KCNMB2: variants seen among roughly 807,000 people sequenced by gnomAD.
KCNMB2 encodes the protein calcium-activated potassium channel subunit beta-2.
In KCNMB2, 9 loss-of-function variants were observed where a neutral mutation model predicts 24.5. That is an observed-to-expected ratio of 0.37 (90% CI 0.22 to 0.64). The LOEUF (loss-of-function observed/expected upper bound fraction) is 0.64. Ranked by LOEUF, KCNMB2 falls within the 30% of genes least tolerant of loss-of-function variation. The probability of loss-of-function intolerance (pLI) is 0.63; values close to 1 mark genes in which losing one functional copy is unlikely to be tolerated. For synonymous variants in KCNMB2, 109 were observed against 104.4 expected, an observed-to-expected ratio of 1.04 and a Z score of -0.27; for missense variants, 226 against 284.3, an observed-to-expected ratio of 0.79 and a Z score of 1.47.
chr3:178,811,122 A>T (rs968875166), intron 2 of KCNMB2, among the ~76,000 whole-genome samples: 3 of 152,122 alleles, frequency 2.0e-5, no homozygotes, highest in African/African-American at 7.2e-5. Flanking sequence ...AGAGGTTTTT[A>T]AGCTAAGGGC....
chr3:178,725,289 T>C (rs982198754), intron 1 of KCNMB2, among the ~76,000 whole-genome samples: 14 of 152,082 alleles, frequency 9.2e-5, no homozygotes, highest in African/African-American at 3.4e-4. Flanking sequence ...GTAAATGAGA[T>C]TACATTCTTG....
At chr3:178,679,853 G>A (rs1271277002) in intron 1 of KCNMB2, among the ~76,000 whole-genome samples, 1 of 152,034 alleles carries the variant, frequency 6.6e-6, no homozygotes, top group African/African-American at 2.4e-5. Flanking sequence ...TTTGATTTTT[G>A]TATATATTTC....
At chr3:178,752,167 C>G (rs533556440) in intron 1 of KCNMB2, among the ~76,000 whole-genome samples, 1 of 152,264 alleles carries the variant, frequency 6.6e-6, no homozygotes, top group African/African-American at 2.4e-5. Context: ...AGCTTCCAAT[C>G]TATTATATAA....
chr3:178,826,088 G>A (rs61798087), intron 3 of KCNMB2, among the ~76,000 whole-genome samples: 9,931 of 152,136 alleles, frequency 0.065, 462 homozygotes, highest in Middle Eastern at 0.14. Context: ...GCTCTTGCTT[G>A]TGGCAGAGCT....
chr3:178,775,039 C>T (rs1014108464), intron 1 of KCNMB2, among the ~76,000 whole-genome samples: 3 of 152,192 alleles, frequency 2.0e-5, no homozygotes, highest in African/African-American at 7.2e-5. Context: ...AACAGATTCA[C>T]TTTCTTTATG....
At chr3:178,787,894 T>G (rs1713171855) in intron 1 of KCNMB2, among the ~76,000 whole-genome samples, 1 of 152,172 alleles carries the variant, frequency 6.6e-6, no homozygotes, top group Non-Finnish European at 1.5e-5. Flanking sequence ...CAATGAACAG[T>G]TATGTGAACT....
At chr3:178,683,253 TA>T (rs1721337716) in intron 1 of KCNMB2, among the ~76,000 whole-genome samples, 1 of 151,926 alleles carries the variant, frequency 6.6e-6, no homozygotes, top group Admixed American at 6.6e-5. Context: ...TTCTCAGTTG[TA>T]AGTGGAAACT....
At chr3:178,566,844 G>A (rs189619446) in intron 1 of KCNMB2, among the ~76,000 whole-genome samples, 6 of 152,262 alleles carry the variant, frequency 3.9e-5, no homozygotes, top group East Asian at 3.9e-4. Flanking sequence ...AACAATGTAC[G>A]TTCATATTGT....
At chr3:178,838,954 G>A (rs1251383331) in intron 4 of KCNMB2, among the ~76,000 whole-genome samples, 2 of 152,160 alleles carry the variant, frequency 1.3e-5, no homozygotes, top group Admixed American at 1.3e-4. Context: ...AAATTATAAT[G>A]TTTTGAAGAA....
Position 178,691,107 on chromosome 3 carries a change from C to CTTTTTTTTTTTTTTTTTTTTTTTTT in KCNMB2, c.-67-116216_-67-116215insTTTTTTTTTTTTTTTTTTTTTTTTT, listed in dbSNP as rs71181241. The stretch of plus-strand genomic sequence containing the variant: ...TGTACAGCATAATTCCCCATTAAGT[C>CTTTTTTTTTTTTTTTTTTTTTTTTT]TTTTTTTTTTTTTTTTTTTTGATAG... On this transcript the variant is annotated intron_variant, in intron 1 of 4. Transcript: ENST00000452583. Among the ~76,000 whole-genome samples, 90 of 79,728 alleles carry CTTTTTTTTTTTTTTTTTTTTTTTTT rather than the reference C, an allele frequency of 1.1e-3. 14 individuals are homozygous for CTTTTTTTTTTTTTTTTTTTTTTTTT. Among genetic ancestry groups the CTTTTTTTTTTTTTTTTTTTTTTTTT allele is most frequent in the African/African-American group, 2.2e-3 (36 of 16,302 alleles). The allele number at this position is 79,728 out of a possible 152,430, so 52.3% of individuals were successfully genotyped here. A position where few individuals can be genotyped will look rare whatever the true frequency, so the allele number is the denominator to read the frequency against.
chr3:178,724,537 C>G (rs1201854500), intron 1 of KCNMB2, among the ~76,000 whole-genome samples: 1 of 151,794 alleles, frequency 6.6e-6, no homozygotes, highest in East Asian at 1.9e-4. Context: ...TTTTTATTTT[C>G]TTGCATTTGC....
At chr3:178,742,605 A>G (rs756885130) in intron 1 of KCNMB2, among the ~76,000 whole-genome samples, 5 of 152,208 alleles carry the variant, frequency 3.3e-5, no homozygotes, top group Non-Finnish European at 5.9e-5. Flanking sequence ...CACTGGTATA[A>G]TTAACACCTC....
At chr3:178,690,746 C>T (rs572358556) in intron 1 of KCNMB2, among the ~76,000 whole-genome samples, 52 of 152,242 alleles carry the variant, frequency 3.4e-4, no homozygotes, top group South Asian at 1.0e-3. Flanking sequence ...TCAGATTCAG[C>T]ACTATGGATA....
chr3:178,700,920 G>A (rs1266617204), intron 1 of KCNMB2, among the ~76,000 whole-genome samples: 1 of 152,212 alleles, frequency 6.6e-6, no homozygotes, highest in African/African-American at 2.4e-5. Context: ...TGTTCACTCT[G>A]ATGGTGGTTT....
chr3:178,730,741 G>A (rs1723122463), intron 1 of KCNMB2, among the ~76,000 whole-genome samples: 1 of 151,972 alleles, frequency 6.6e-6, no homozygotes. Flanking sequence ...CTTTAAATAA[G>A]CTCAGCTAAT....
At chr3:178,832,561 C>T (rs1715091208) in intron 4 of KCNMB2, among the ~76,000 whole-genome samples, 1 of 80,788 alleles carries the variant, frequency 1.2e-5, no homozygotes, top group Non-Finnish European at 2.3e-5. Context: ...TCCAGTTGGC[C>T]ACATACGAGG....
chr3:178,779,979 T>C (rs780489860), intron 1 of KCNMB2, among the ~76,000 whole-genome samples: 3 of 151,606 alleles, frequency 2.0e-5, no homozygotes, highest in Non-Finnish European at 4.4e-5. Flanking sequence ...ATTCTTTTCC[T>C]ATACTTACCA....
intron 1 of KCNMB2, among the ~76,000 whole-genome samples, chr3:178,540,450 C>T (rs760496067): frequency 2.6e-5 from 4 of 152,198 alleles, no homozygotes. Context: ...CAAAAGCCTC[C>T]AATGTCTTTC....
intron 1 of KCNMB2, among the ~76,000 whole-genome samples, chr3:178,571,341 A>C (rs1473420017): frequency 6.6e-6 from 1 of 150,700 alleles, no homozygotes; most frequent in Non-Finnish European, 1.5e-5. Flanking sequence ...TCCCCTTTTG[A>C]TCAAGATCTA....
Sources: allele counts gnomAD v4.1 joint callset (sites outside exome capture counted in the v4.1 genomes callset), GRCh38; gene constraint gnomAD v4.1.1; transcripts MANE v1.5; gene names NCBI Gene and HGNC (gene_info 2026-07-23, HGNC 2026-07-21).